The following ABCD3 variants were observed in gnomAD, a reference collection of about 807,000 sequenced individuals.
ABCD3 encodes ATP-binding cassette sub-family D member 3.
A neutral mutation model predicts 105.5 loss-of-function variants in ABCD3; 41 were observed. The ratio of observed to expected loss-of-function variants is 0.39; its 90% CI spans 0.30 to 0.50. The LOEUF (loss-of-function observed/expected upper bound fraction) is 0.50. Ranked by LOEUF, ABCD3 falls within the 20% of genes least tolerant of loss-of-function variation. The probability of loss-of-function intolerance (pLI) is 0.84; values close to 1 mark genes in which losing one functional copy is unlikely to be tolerated. For missense variants in ABCD3, 622 were observed against 806.3 expected (o/e 0.77, Z 2.77); for synonymous variants, 258 against 269.0 (o/e 0.96, Z 0.40).
At chr1:94,479,267 A>C (rs1367762064) in intron 8 of ABCD3, among the ~76,000 whole-genome samples, 1 of 152,022 alleles carries the variant, frequency 6.6e-6, no homozygotes, top group African/African-American at 2.4e-5. Flanking sequence ...GTCTCCTTGC[A>C]GTCATATTTT....
At chr1:94,450,088 C>CT (rs976539116) in intron 1 of ABCD3, among the ~76,000 whole-genome samples, 2 of 152,200 alleles carry the variant, frequency 1.3e-5, no homozygotes, top group Admixed American at 1.3e-4. Context: ...AACTGGAGTG[C>CT]TTGAAGGAGC....
At chr1:94,438,374 T>C (rs956993350) in intron 1 of ABCD3, among the ~76,000 whole-genome samples, 3 of 151,286 alleles carry the variant, frequency 2.0e-5, no homozygotes, top group African/African-American at 7.3e-5. Context: ...TTGCCTCTTA[T>C]GCATGAGCAA....
At chr1:94,416,629 C>T (rs551931605), upstream of ABCD3, among the ~76,000 whole-genome samples, 1 of 152,188 alleles carries the variant, frequency 6.6e-6, no homozygotes. Context: ...TTTCCCTAGG[C>T]TAGCCATAGA....
upstream of ABCD3, among the ~76,000 whole-genome samples, chr1:94,416,849 A>G (rs937627489): frequency 1.3e-5 from 2 of 152,238 alleles, no homozygotes; most frequent in African/African-American, 4.8e-5. Context: ...GAAGGAAGGA[A>G]TGGTGCTCAG....
At chr1:94,489,672 G>T (rs1440142858) in intron 13 of ABCD3, 53 bp from the exon 14 acceptor site, 3 of 1,248,214 alleles carry the variant, frequency 2.4e-6, no homozygotes, top group Non-Finnish European at 2.3e-6. Flanking sequence ...TAAAATAAAA[G>T]ATGTGACAAT....
the ABCD3 span, among the ~76,000 whole-genome samples, chr1:94,396,220 C>G: frequency 1.1e-4 from 17 of 152,264 alleles, no homozygotes; most frequent in African/African-American, 4.1e-4. Context: ...TCCTCAGTGT[C>G]TCTTAGCTTC....
the ABCD3 span, among the ~76,000 whole-genome samples, chr1:94,394,472 C>A: frequency 6.6e-6 from 1 of 152,224 alleles, no homozygotes; most frequent in East Asian, 1.9e-4. Flanking sequence ...CAAATGACAT[C>A]ATCACCTATT....
chr1:94,479,533 CA>C (rs1163183439), intron 8 of ABCD3, among the ~76,000 whole-genome samples: 2 of 151,502 alleles, frequency 1.3e-5, no homozygotes, highest in East Asian at 3.9e-4. Flanking sequence ...AGAGGAATTA[CA>C]ATGTGGTAAA....
At chr1:94,415,603 A>C (rs1658985410), upstream of ABCD3, among the ~76,000 whole-genome samples, 1 of 152,196 alleles carries the variant, frequency 6.6e-6, no homozygotes, top group Admixed American at 6.5e-5. Context: ...GAACTCTTTG[A>C]GTCACTTAGA....
At chr1:94,397,306 C>T in the ABCD3 span, among the ~76,000 whole-genome samples, 2 of 152,170 alleles carry the variant, frequency 1.3e-5, no homozygotes, top group African/African-American at 2.4e-5. Flanking sequence ...ATTTCCCCAG[C>T]GTTTCCACTT....
intron 4 of ABCD3, among the ~76,000 whole-genome samples, chr1:94,473,158 A>C (rs1648566567): frequency 6.6e-6 from 1 of 152,114 alleles, no homozygotes; most frequent in African/African-American, 2.4e-5. Context: ...GCAAACTAGG[A>C]CCCACAGGTC....
the ABCD3 span, among the ~76,000 whole-genome samples, chr1:94,389,394 C>G: frequency 1.1e-3 from 174 of 152,332 alleles, 1 homozygote; most frequent in African/African-American, 3.8e-3. Context: ...GGGCAAGGAA[C>G]ACCTGGCCCA....
intron 4 of ABCD3, among the ~76,000 whole-genome samples, chr1:94,473,270 C>T (rs922829070): frequency 7.9e-5 from 12 of 152,222 alleles, no homozygotes; most frequent in Middle Eastern, 6.8e-3. Flanking sequence ...GTAGTTGCAG[C>T]GGAGCCCTTA....
chr1:94,491,448 CA>C (rs569749205), intron 16 of ABCD3, among the ~76,000 whole-genome samples: 224 of 151,912 alleles, frequency 1.5e-3, no homozygotes, highest in Non-Finnish European at 2.8e-3. Flanking sequence ...ATACTACTAC[CA>C]AAAAACTTTT....
chr1:94,487,579 C>T lies in ABCD3; in HGVS notation c.935C>T (p.Ser312Leu). Residue 312 changes from serine (S) to leucine (L), a missense_variant, in exon 11 of 23, where the codon TCA (serine) becomes TTA (leucine). Physicochemically the swap from Ser to Leu is moderately radical, Grantham distance 145. Transcript: ENST00000370214. ...HLHNFILFRF[S>L]MGFIDSIIAK... is the part of the protein sequence containing the mutation. Reference sequence around the variant, plus strand: ...CATAATTTCATTTTGTTTCGGTTTTCAATGGGCTTCATTGATAGTATTATT... The same window carrying T: ...CATAATTTCATTTTGTTTCGGTTTTTAATGGGCTTCATTGATAGTATTATT... The T allele has an allele frequency of 6.2e-7, 1 of 1,613,726 alleles. No homozygotes were observed. The highest frequency in any genetic ancestry group is 8.5e-7 in the Non-Finnish European group (1 of 1,179,848).
At chr1:94,424,754 C>T (rs1659398502) in intron 1 of ABCD3, among the ~76,000 whole-genome samples, 1 of 152,176 alleles carries the variant, frequency 6.6e-6, no homozygotes, top group Non-Finnish European at 1.5e-5. Flanking sequence ...ACCTTCCAGA[C>T]TTTACTTTTC....
At chr1:94,462,057 T>G (rs1029040737) in intron 2 of ABCD3, among the ~76,000 whole-genome samples, 4 of 152,208 alleles carry the variant, frequency 2.6e-5, no homozygotes, top group African/African-American at 9.6e-5. Context: ...TACTTTGACC[T>G]TTGTTACCTT....
the ABCD3 span, among the ~76,000 whole-genome samples, chr1:94,398,954 A>G: frequency 5.3e-5 from 8 of 152,086 alleles, no homozygotes; most frequent in African/African-American, 1.9e-4. Context: ...ACCTGGATAT[A>G]GTAAATTTCA....
In ABCD3 at chr1:94,495,035, C is replaced by T. The variant is rs541555681; in HGVS notation, c.1387-3567C>T. Among the ~76,000 whole-genome samples the T allele has an allele frequency of 1.2e-3, 179 of 152,144 alleles. 1 individual carries two copies. The highest frequency in any genetic ancestry group is 5.1e-3 in the Admixed American group (78 of 15,266). On this transcript the variant is annotated intron_variant, in intron 16 of 22. Transcript: ENST00000370214. The stretch of plus-strand genomic sequence containing the variant: ...GGCAGAGGTTGCAGTGAGCGGAGAT[C>T]GCACCACTATACTCCAGTCTGGGCT...
Sources: gnomAD v4.1 joint callset for allele counts (sites outside exome capture counted in the v4.1 genomes callset) on GRCh38, gnomAD v4.1.1 for gene constraint, MANE v1.5 for transcripts, NCBI Gene and HGNC (gene_info 2026-07-23, HGNC 2026-07-21) for gene names.